Variants in UACA observed in about 807,000 individuals in gnomAD.
UACA encodes nuclear membrane binding protein.
Under a neutral mutation model 160.5 loss-of-function variants are expected in UACA, and 112 were observed. The observed-to-expected ratio is 0.70, with a 90% confidence interval of 0.60 to 0.82. The LOEUF (loss-of-function observed/expected upper bound fraction) is 0.82. UACA is among the 40% of genes least tolerant of loss of function. The pLI, the probability that UACA is intolerant of heterozygous loss-of-function variation, is 0.00. For synonymous variants in UACA, 557 were observed against 568.4 expected, an observed-to-expected ratio of 0.98 and a Z score of 0.29; for missense variants, 1,574 against 1,614.6, an observed-to-expected ratio of 0.97 and a Z score of 0.43.
chr15:70,705,555 A>T (rs1405847894), intron 1 of UACA, among the ~76,000 whole-genome samples: 1 of 152,080 alleles, frequency 6.6e-6, no homozygotes, highest in Non-Finnish European at 1.5e-5. Context: ...AAAATAAAAT[A>T]AAAAAATAAA....
chr15:70,703,188 G>A (rs1357613757), intron 1 of UACA: 2 of 1,288,920 alleles, frequency 1.6e-6, no homozygotes, highest in Non-Finnish European at 2.0e-6. Context: ...GGCTGTTGTT[G>A]TTGTTTTTTA....
At chr15:70,671,150 A>T (rs562112869) in intron 14 of UACA, 59 bp from the exon 15 acceptor site, 5 of 1,201,306 alleles carry the variant, frequency 4.2e-6, no homozygotes, top group South Asian at 4.1e-5. Flanking sequence ...AGTAGGCTAA[A>T]CATTAATTTG....
upstream of UACA, among the ~76,000 whole-genome samples, chr15:70,765,308 G>A (rs1045767047): frequency 6.6e-6 from 1 of 151,978 alleles, no homozygotes; most frequent in Non-Finnish European, 1.5e-5. Context: ...GTGGGTGCTG[G>A]TTACATATCT....
intron 1 of UACA, among the ~76,000 whole-genome samples, chr15:70,701,294 T>C (rs1898354264): frequency 6.6e-6 from 1 of 152,172 alleles, no homozygotes; most frequent in Admixed American, 6.5e-5. Context: ...ACGCATCACC[T>C]TTCTTAAGCT....
intron 1 of UACA, chr15:70,702,434 G>T: frequency 2.3e-6 from 1 of 442,688 alleles, no homozygotes. Context: ...AGAATATATT[G>T]TAAATGCATG....
chr15:70,676,258 T>G, intron 13 of UACA: 1 of 360,502 alleles, frequency 2.8e-6, no homozygotes, highest in Non-Finnish European at 5.0e-6. Context: ...AGAATGACAC[T>G]AAATGTCAAT....
chr15:70,683,184 C>CA (rs1209657408), intron 8 of UACA, among the ~76,000 whole-genome samples: 1 of 151,746 alleles, frequency 6.6e-6, no homozygotes, highest in Non-Finnish European at 1.5e-5. Flanking sequence ...AGCAAGACCC[C>CA]ATCTCTACAA....
chr15:70,671,190 G>T, intron 14 of UACA, 99 bp from the exon 15 acceptor site: 2 of 837,660 alleles, frequency 2.4e-6, no homozygotes. Context: ...TCAAATAAAA[G>T]AGAAGCAAGA....
intron 1 of UACA, among the ~76,000 whole-genome samples, chr15:70,709,272 A>G (rs924080122): frequency 1.3e-5 from 2 of 152,238 alleles, no homozygotes; most frequent in Non-Finnish European, 2.9e-5. Context: ...GGTTTGAAAA[A>G]GAGACATTCA....
chr15:70,679,819 A>G (rs990350086), intron 9 of UACA, 143 bp from the exon 10 acceptor site: 6 of 446,180 alleles, frequency 1.3e-5, no homozygotes, highest in African/African-American at 1.2e-4. Context: ...CAGTGTTTCT[A>G]TTTAAAACTC....
chr15:70,668,881 C>T lies in UACA; in HGVS notation c.1803G>A (p.Glu601=). 3.1e-6 allele frequency: 5 copies of T among 1,613,744 alleles called. No homozygotes were observed. Among genetic ancestry groups the T allele is most frequent in the Admixed American group, 1.7e-5 (1 of 59,960 alleles). The change falls in exon 16 of 19, where the codon GAG becomes GAA. Residue 601 remains glutamate (E), a synonymous_variant. Transcript: ENST00000322954. ...TGACCTTTCTTCCTTTCTTCTCTCG[C>T]TCCATTTCACACATACTAAGTTCCT... ...LQKELSMCEM[E]REKKGRKVTE...
intron 1 of UACA, among the ~76,000 whole-genome samples, chr15:70,750,059 G>A (rs1020862558): frequency 9.9e-5 from 15 of 152,232 alleles, no homozygotes; most frequent in African/African-American, 2.9e-4. Flanking sequence ...CTGTGACTTT[G>A]GTAAGTCACA....
intron 1 of UACA, among the ~76,000 whole-genome samples, chr15:70,760,930 C>T (rs11636698): frequency 0.85 from 129,004 of 152,198 alleles, 54,930 homozygotes; most frequent in Admixed American, 0.9. Context: ...TTCTCATATG[C>T]TGGTTCCATG....
intron 17 of UACA, among the ~76,000 whole-genome samples, chr15:70,664,308 G>T (rs1365930515): frequency 6.6e-6 from 1 of 152,128 alleles, no homozygotes; most frequent in East Asian, 1.9e-4. Flanking sequence ...GCTGGATTTG[G>T]AGTCAGCCAG....
rs753600540 is a variant in UACA at position 70,664,701 on chromosome 15, A to AG, written c.4073dup (p.Leu1359SerfsTer16). On this transcript the variant is annotated frameshift_variant, in exon 17 of 19. Transcript: ENST00000322954. LOFTEE classifies it high-confidence loss of function. ...CCAGAGATTTCACTTGGTGCTGCAG[A>AG]GTGTCAATCAGCTGGCTCTGCCTCT... is the stretch of plus-strand genomic sequence containing the variant. 1.2e-6 allele frequency: 2 copies of AG among 1,613,404 alleles called. No homozygotes were observed. Among genetic ancestry groups the AG allele is most frequent in the South Asian group, 2.2e-5 (2 of 91,010 alleles).
At chr15:70,658,174 T>C (rs912836981) in intron 18 of UACA, among the ~76,000 whole-genome samples, 18 of 152,244 alleles carry the variant, frequency 1.2e-4, no homozygotes, top group Admixed American at 5.2e-4. Context: ...ACATACTATT[T>C]TGTAACTTGT....
chr15:70,713,544 C>A (rs1397557889), intron 1 of UACA, among the ~76,000 whole-genome samples: 1 of 152,078 alleles, frequency 6.6e-6, no homozygotes, highest in African/African-American at 2.4e-5. Context: ...GTAAGACAAT[C>A]CCAGGATGAG....
At chr15:70,697,832 C>A (rs1898185485) in intron 2 of UACA, among the ~76,000 whole-genome samples, 2 of 152,242 alleles carry the variant, frequency 1.3e-5, no homozygotes, top group South Asian at 4.1e-4. Context: ...GGGCACATCA[C>A]CAGAGGTCGG....
At chr15:70,686,637 T>G (rs1041664802) in intron 7 of UACA, among the ~76,000 whole-genome samples, 2 of 151,950 alleles carry the variant, frequency 1.3e-5, no homozygotes, top group Non-Finnish European at 2.9e-5. Flanking sequence ...TCCTTTGAGA[T>G]GCATAAAGAA....
Sources: allele counts gnomAD v4.1 joint callset (sites outside exome capture counted in the v4.1 genomes callset), GRCh38; gene constraint gnomAD v4.1.1; transcripts MANE v1.5; gene names NCBI Gene and HGNC (gene_info 2026-07-23, HGNC 2026-07-21).